The following MTMR9 variants were observed in gnomAD, a reference collection of about 807,000 sequenced individuals.
MTMR9 encodes the protein myotubularin related protein 9.
In MTMR9, 39 loss-of-function variants were observed where a neutral mutation model predicts 69.5. That is an observed-to-expected ratio of 0.56 (90% CI 0.43 to 0.73). The LOEUF (loss-of-function observed/expected upper bound fraction) is 0.73. Among genes scored for constraint, MTMR9 ranks in the 30% least tolerant of loss-of-function variants. MTMR9 has a pLI of 0.00. For missense variants in MTMR9, 900 were observed against 671.2 expected (o/e 1.34, Z -3.77); for synonymous variants, 354 against 240.8 (o/e 1.47, Z -4.35).
chr8:11,305,184 G>A (rs995331846), intron 4 of MTMR9, among the ~76,000 whole-genome samples, 170 bp downstream of exon 4: 1 of 152,180 alleles, frequency 6.6e-6, no homozygotes, highest in East Asian at 1.9e-4. Context: ...GGTGTTTTCT[G>A]TGGTGAGGAT....
chr8:11,299,550 G>A (rs1799678659), intron 2 of MTMR9, among the ~76,000 whole-genome samples: 1 of 152,146 alleles, frequency 6.6e-6, no homozygotes, highest in African/African-American at 2.4e-5. Context: ...CCATCTGACT[G>A]TAGACCTCTA....
chr8:11,287,162 C>T (rs1467290187), intron 1 of MTMR9, among the ~76,000 whole-genome samples: 2 of 152,164 alleles, frequency 1.3e-5, no homozygotes, highest in Non-Finnish European at 2.9e-5. Context: ...TTATCTCCTT[C>T]GAAACGTCTA....
At position 11,284,903 on chromosome 8, in the gene MTMR9, G is replaced by C. The variant is rs1799086252; in HGVS notation, c.15G>C (p.Glu5Asp). Reference protein sequence around the residue: MEFAELIKTPRVDNV... With the variant: MEFADLIKTPRVDNV... ...CGCGGGGGAGCATGGAGTTTGCGGA[G>C]CTGATTAAGACCCCGCGGGTGGACA... The change falls in exon 1 of 10, where the codon GAG becomes GAC. Residue 5 changes from glutamate (E) to aspartate (D), a missense_variant. By Grantham distance (45) the Glu-to-Asp change is conservative. Coordinates refer to ENST00000221086, the MANE Select transcript of MTMR9 (RefSeq NM_015458.4). 1 of 1,606,660 alleles carries C rather than the reference G, an allele frequency of 6.2e-7. No homozygotes were observed. The highest frequency in any genetic ancestry group is 1.3e-5 in the African/African-American group (1 of 74,402).
chr8:11,285,190 C>T (rs1482734500), intron 1 of MTMR9, 120 bp downstream of exon 1: 3 of 985,624 alleles, frequency 3.0e-6, no homozygotes, highest in East Asian at 2.8e-5. Context: ...AAGATGAGCC[C>T]TCTGTGGCCT....
At position 11,324,531 on chromosome 8, in the gene MTMR9, A is replaced by G. The variant is rs981883651; in HGVS notation, c.*1743A>G. 35 of 150,876 alleles carry G rather than the reference A, an allele frequency of 2.3e-4. No homozygotes were observed. The highest frequency in any genetic ancestry group is 8.3e-4 in the African/African-American group (34 of 41,188). 9.3% of individuals were successfully genotyped at this position (150,876 alleles called of 1,614,324 possible). On this transcript the variant is annotated 3_prime_UTR_variant, in exon 10 of 10. Transcript: ENST00000221086. ...TGTTAAAAAAAAAAAAAAAAAAAGG[A>G]AACAGCCTCACTTTTTTGTGCTCCC...
intron 1 of MTMR9, among the ~76,000 whole-genome samples, chr8:11,286,353 G>A (rs1799154541): frequency 6.6e-6 from 1 of 151,770 alleles, no homozygotes; most frequent in Middle Eastern, 3.2e-3. Context: ...GTCTCCTCAA[G>A]CCACCTTTTG....
the MTMR9 span, among the ~76,000 whole-genome samples, chr8:11,335,254 A>G: frequency 6.6e-6 from 1 of 152,242 alleles, no homozygotes; most frequent in Non-Finnish European, 1.5e-5. Context: ...ACAAAATTCA[A>G]TTGCTTTCCT....
At chr8:11,296,293 T>G (rs542314541) in intron 2 of MTMR9, among the ~76,000 whole-genome samples, 53 of 152,310 alleles carry the variant, frequency 3.5e-4, no homozygotes, top group Non-Finnish European at 5.3e-4. Flanking sequence ...TTTTATTAGT[T>G]GATGTGTGTA....
rs774098962 is a variant in MTMR9, at chr8:11,327,992, GAA to G, written c.*5206_*5207del. 1 of 152,188 alleles carries G rather than the reference GAA, an allele frequency of 6.6e-6. No homozygotes were observed. Among genetic ancestry groups the G allele is most frequent in the Non-Finnish European group, 1.5e-5 (1 of 68,046 alleles). The allele number at this position is 152,188 out of a possible 1,614,324, so 9.4% of individuals were successfully genotyped here. On this transcript the variant is annotated 3_prime_UTR_variant, in exon 10 of 10. Coordinates refer to ENST00000221086, the MANE Select transcript of MTMR9 (RefSeq NM_015458.4). ...TGTCAAGCTTGGTTTACTGAATCAA[GAA>G]AGAGTCTTGTCGAATGTGGTACTGT...
At chr8:11,308,409 C>T (rs978606625) in intron 5 of MTMR9, among the ~76,000 whole-genome samples, 4 of 152,092 alleles carry the variant, frequency 2.6e-5, no homozygotes, top group African/African-American at 9.7e-5. Context: ...GTTTTTATGC[C>T]AGTGCCAAGC....
chr8:11,298,720 A>ACCCCGC (rs147501616), intron 2 of MTMR9: 1 of 680,226 alleles, frequency 1.5e-6, no homozygotes, highest in African/African-American at 2.3e-5. Context: ...TCCCCGCTGC[A>ACCCCGC]CCCCCCCCCC....
rs11992525 is a variant in MTMR9, at chr8:11,297,232, A to G, written c.291+1930A>G. 2.6e-3 allele frequency among the ~76,000 whole-genome samples: 394 copies of G among 152,352 alleles called. 2 individuals carry two copies. The highest frequency in any genetic ancestry group is 8.7e-3 in the African/African-American group (363 of 41,582). On this transcript the variant is annotated intron_variant, in intron 2 of 9. Transcript: ENST00000221086. ...GTAGGATTTTAGTGATTTTTAAAACAGGAATAGAGAAATAGAGGAAAAACT... is the reference window on the plus strand; with the variant it reads ...GTAGGATTTTAGTGATTTTTAAAACGGGAATAGAGAAATAGAGGAAAAACT...
chr8:11,338,944 A>G, the MTMR9 span, among the ~76,000 whole-genome samples: 4 of 152,192 alleles, frequency 2.6e-5, no homozygotes, highest in African/African-American at 9.7e-5. Context: ...GCTGTTAGAT[A>G]TAACATCTGA....
chr8:11,290,016 G>A (rs898022716), intron 1 of MTMR9, among the ~76,000 whole-genome samples: 9 of 152,118 alleles, frequency 5.9e-5, no homozygotes, highest in East Asian at 3.9e-4. Flanking sequence ...AAGTAGGTGC[G>A]TATCTCATTT....
chr8:11,298,100 A>G, intron 2 of MTMR9: 1 of 354,398 alleles, frequency 2.8e-6, no homozygotes, highest in Middle Eastern at 4.5e-4. Flanking sequence ...TGTAGCAATA[A>G]GTTAGTGAAG....
chr8:11,329,855 G>A (rs574932350), downstream of MTMR9, among the ~76,000 whole-genome samples: 5 of 151,632 alleles, frequency 3.3e-5, no homozygotes, highest in East Asian at 3.9e-4. Flanking sequence ...CCGCCATCCC[G>A]TCTAGGAAGT....
chr8:11,311,097 C>T (rs922758805), intron 6 of MTMR9, among the ~76,000 whole-genome samples: 2 of 152,240 alleles, frequency 1.3e-5, no homozygotes, highest in African/African-American at 2.4e-5. Flanking sequence ...GAATTGAATT[C>T]AGAATATCCC....
rs140628884 is a variant in MTMR9, at chr8:11,319,691, A to C, written c.1339A>C (p.Lys447Gln). The change falls in exon 9 of 10, where the codon AAG becomes CAG. Residue 447 changes from lysine to glutamine, a missense_variant. By Grantham distance (53) the Lys-to-Gln change is moderately conservative. Transcript: ENST00000221086. ...FLGNNESERC[K>Q]LKLQQKTMSL... Reference sequence around the variant, plus strand: ...GCAGTGTTCTTTCTTGATCAGATGTAAGTTGAAGCTACAGCAGAAGACGAT... The same window carrying C: ...GCAGTGTTCTTTCTTGATCAGATGTCAGTTGAAGCTACAGCAGAAGACGAT... 6.2e-7 allele frequency: 1 copy of C among 1,613,480 alleles called. No individual in the cohort carries two copies. The highest frequency in any genetic ancestry group is 1.7e-5 in the Admixed American group (1 of 59,992).
chr8:11,298,041 C>T (rs550622801), intron 2 of MTMR9: 27 of 410,386 alleles, frequency 6.6e-5, no homozygotes, highest in Non-Finnish European at 9.5e-5. Context: ...TGCTGCCTCA[C>T]GTAGAATCCC....
Sources: allele counts gnomAD v4.1 joint callset (sites outside exome capture counted in the v4.1 genomes callset), GRCh38; gene constraint gnomAD v4.1.1; transcripts MANE v1.5; gene names NCBI Gene and HGNC (gene_info 2026-07-23, HGNC 2026-07-21).